The following CAB39L variants were observed in gnomAD, a reference collection of about 807,000 sequenced individuals.
CAB39L encodes the protein calcium-binding protein 39-like.
A neutral mutation model predicts 39.1 loss-of-function variants in CAB39L; 23 were observed. That is an observed-to-expected ratio of 0.59 (90% confidence interval 0.42 to 0.83). The LOEUF is 0.83. Among genes scored for constraint, CAB39L ranks in the 40% least tolerant of loss-of-function variants. The probability of loss-of-function intolerance (pLI) is 0.00; values close to 1 mark genes in which losing one functional copy is unlikely to be tolerated. For synonymous variants in CAB39L, 126 were observed against 137.2 expected (o/e 0.92, Z 0.57); for missense variants, 366 against 391.9 (o/e 0.93, Z 0.56).
intron 3 of CAB39L, among the ~76,000 whole-genome samples, chr13:49,416,318 C>T (rs1322792): frequency 0.54 from 82,870 of 152,086 alleles, 22,696 homozygotes; most frequent in South Asian, 0.64. Flanking sequence ...TGACCCACAA[C>T]AAAAAATACG....
chr13:49,412,445 G>T (rs1957009105), intron 3 of CAB39L, among the ~76,000 whole-genome samples: 1 of 150,664 alleles, frequency 6.6e-6, no homozygotes, highest in African/African-American at 2.4e-5. Flanking sequence ...TAAATATTTT[G>T]GTTTCTCACA....
intron 10 of CAB39L, 78 bp from the exon 11 acceptor site, chr13:49,311,071 C>T (rs1361337078): frequency 1.6e-6 from 2 of 1,284,382 alleles, no homozygotes; most frequent in Non-Finnish European, 2.2e-6. Context: ...GGCCAGGGAC[C>T]TCACCCACAC....
intron 3 of CAB39L, among the ~76,000 whole-genome samples, chr13:49,399,303 T>C (rs572226588): frequency 2.6e-5 from 4 of 152,016 alleles, no homozygotes; most frequent in Non-Finnish European, 5.9e-5. Context: ...AGATTAGATC[T>C]CAAAAACAGT....
rs971720170 is a variant in CAB39L, at chr13:49,415,242, C to T, written c.-32+18076G>A. The stretch of plus-strand genomic sequence containing the variant: ...ATAAAAAATAAAAAATGTGGCCAGG[C>T]GCGGTGGCTCACACCTGTAATCCCA... On this transcript the variant is annotated intron_variant, in intron 3 of 10. Transcript: ENST00000409308. Among the ~76,000 whole-genome samples the T allele has an allele frequency of 1.3e-4, 20 of 150,942 alleles. 1 individual carries two copies. Among genetic ancestry groups the T allele is most frequent in the South Asian group, 4.2e-4 (2 of 4,774 alleles).
rs772970288 is a variant in CAB39L at position 49,311,010 on chromosome 13, C to T, written c.835-17G>A. On this transcript the variant is annotated splice_polypyrimidine_tract_variant and intron_variant, in intron 10 of 10. Transcript: ENST00000409308. ...CACAAACACCTGAAACAAAAAGAAA[C>T]AAATACTTAGGAGTGCAAGCCAGGG... 1 of 1,611,156 alleles carries T rather than the reference C, an allele frequency of 6.2e-7. No individual in the cohort carries two copies. The highest frequency in any genetic ancestry group is 2.2e-5 in the East Asian group (1 of 44,866).
At chr13:49,412,585 T>C (rs1235488854) in intron 3 of CAB39L, among the ~76,000 whole-genome samples, 1 of 152,158 alleles carries the variant, frequency 6.6e-6, no homozygotes, top group Non-Finnish European at 1.5e-5. Flanking sequence ...GGATACCCAA[T>C]GTGTTTGAGG....
intron 5 of CAB39L, among the ~76,000 whole-genome samples, chr13:49,374,266 C>A (rs963631025): frequency 1.3e-5 from 2 of 151,892 alleles, no homozygotes; most frequent in African/African-American, 4.8e-5. Context: ...AGTTTTGAAT[C>A]ATCAGTTTAA....
chr13:49,351,155 T>TG (rs201073127), intron 6 of CAB39L: 238 of 273,372 alleles, frequency 8.7e-4, no homozygotes, highest in African/African-American at 5.1e-3. Context: ...CAGCTGGGGG[T>TG]GGGGGGATGA....
At chr13:49,394,805 G>A (rs116307075) in intron 3 of CAB39L, among the ~76,000 whole-genome samples, 416 of 151,572 alleles carry the variant, frequency 2.7e-3, no homozygotes, top group African/African-American at 9.2e-3. Flanking sequence ...TTTCTTTCTC[G>A]GTTGTACATA....
intron 5 of CAB39L, among the ~76,000 whole-genome samples, chr13:49,371,464 C>A (rs908351043): frequency 6.6e-6 from 1 of 152,110 alleles, no homozygotes; most frequent in Non-Finnish European, 1.5e-5. Flanking sequence ...TAAGCCACCA[C>A]GCCTGGCCAA....
intron 9 of CAB39L, among the ~76,000 whole-genome samples, chr13:49,332,921 T>A (rs1004145827): frequency 3.3e-5 from 5 of 151,934 alleles, no homozygotes; most frequent in Non-Finnish European, 7.4e-5. Context: ...ATTGTCCTAT[T>A]TACTGGACTT....
At chr13:49,377,878 G>A (rs1248002600) in intron 4 of CAB39L, among the ~76,000 whole-genome samples, 1 of 83,218 alleles carries the variant, frequency 1.2e-5, no homozygotes, top group Non-Finnish European at 2.4e-5. Context: ...GAGCGTCTCC[G>A]CCCGGCCGCC....
rs537795010 is a variant in CAB39L, at chr13:49,434,946, C to T, written c.-245-723G>A. On this transcript the variant is annotated intron_variant, in intron 1 of 10. Transcript: ENST00000409308. ...CTTTCATTCTACTTTTTTATTTAATCCCACTTTTGAATATGTAGACATACA... is the reference window on the plus strand; with the variant it reads ...CTTTCATTCTACTTTTTTATTTAATTCCACTTTTGAATATGTAGACATACA... Among the ~76,000 whole-genome samples, 10 of 152,096 alleles carry T rather than the reference C, an allele frequency of 6.6e-5. No individual in the cohort carries two copies. The South Asian group carries it at 1.7e-3, about 25-fold the overall frequency.
chr13:49,345,964 C>T (rs1466591780), intron 7 of CAB39L, among the ~76,000 whole-genome samples: 1 of 150,972 alleles, frequency 6.6e-6, no homozygotes, highest in Non-Finnish European at 1.5e-5. Flanking sequence ...TAGGTTAAAA[C>T]CAACACTTTC....
chr13:49,366,815 A>C (rs1176976242), intron 5 of CAB39L, among the ~76,000 whole-genome samples: 2 of 152,150 alleles, frequency 1.3e-5, no homozygotes, highest in African/African-American at 4.8e-5. Context: ...CAGGAGTTCG[A>C]GACCAGCCTG....
intron 3 of CAB39L, 66 bp downstream of exon 3, chr13:49,433,251 GT>G (rs1381236198): frequency 5.3e-6 from 2 of 373,868 alleles, no homozygotes; most frequent in Non-Finnish European, 1.0e-5. Context: ...ATTTTGGTAT[GT>G]TGAGCATAGT....
rs753474217 is a variant in CAB39L, at chr13:49,344,242, G to A, written c.565-4C>T. 16 of 1,572,866 alleles carry A rather than the reference G, an allele frequency of 1.0e-5. No individual in the cohort carries two copies. The highest frequency in any genetic ancestry group is 1.4e-5 in the Non-Finnish European group (16 of 1,144,896). On this transcript the variant is annotated splice_polypyrimidine_tract_variant and splice_region_variant and intron_variant, in intron 7 of 10. Transcript: ENST00000409308. ...CTTTATGTCTGGTTAGTAAATCCTAGAAAAAGAAAAACCAAGTGAAACAAA... is the reference window on the plus strand; with the variant it reads ...CTTTATGTCTGGTTAGTAAATCCTAAAAAAAGAAAAACCAAGTGAAACAAA...
At chr13:49,356,564 A>G (rs1436672602) in intron 6 of CAB39L, among the ~76,000 whole-genome samples, 2 of 152,204 alleles carry the variant, frequency 1.3e-5, no homozygotes, top group African/African-American at 4.8e-5. Context: ...ACAAGTATCA[A>G]TTGCTTTTTG....
intron 3 of CAB39L, among the ~76,000 whole-genome samples, chr13:49,421,822 GCAA>G (rs1273873873): frequency 6.6e-6 from 1 of 152,076 alleles, no homozygotes; most frequent in Non-Finnish European, 1.5e-5. Context: ...TGGTAATGAG[GCAA>G]CCCTGTCTAC....
Sources: allele counts gnomAD v4.1 joint callset (sites outside exome capture counted in the v4.1 genomes callset), GRCh38; gene constraint gnomAD v4.1.1; transcripts MANE v1.5; gene names NCBI Gene and HGNC (gene_info 2026-07-23, HGNC 2026-07-21).